CLIP1: variants seen among roughly 807,000 people sequenced by gnomAD.
CLIP1 encodes CAP-Gly domain containing linker protein 1.
Under a neutral mutation model 161.6 loss-of-function variants are expected in CLIP1, and 66 were observed. The ratio of observed to expected loss-of-function variants is 0.41; its 90% CI spans 0.33 to 0.50. The LOEUF (loss-of-function observed/expected upper bound fraction) is 0.50, where lower values mean the gene tolerates loss of function less well. Ranked by LOEUF, CLIP1 falls within the 20% of genes least tolerant of loss-of-function variation. CLIP1 has a pLI of 0.27. For synonymous variants in CLIP1, 598 were observed against 626.2 expected (o/e 0.96, Z 0.67); for missense variants, 1,376 against 1,702.0 (o/e 0.81, Z 3.37).
intron 1 of CLIP1, among the ~76,000 whole-genome samples, chr12:122,411,365 G>A (rs1181378161): frequency 2.6e-5 from 4 of 152,188 alleles, no homozygotes; most frequent in Non-Finnish European, 4.4e-5. Flanking sequence ...GCAATGAGCC[G>A]AGATCACGCC....
chr12:122,357,179 A>G (rs1464732338), intron 5 of CLIP1, among the ~76,000 whole-genome samples: 3 of 147,250 alleles, frequency 2.0e-5, no homozygotes, highest in Non-Finnish European at 3.0e-5. Context: ...CCGCCGTCCC[A>G]TCTAGGAAGT....
At chr12:122,324,021 T>C (rs1267034971) in intron 17 of CLIP1, 1 of 152,676 alleles carries the variant, frequency 6.5e-6, no homozygotes, top group Non-Finnish European at 1.5e-5. Context: ...TCCACATTTA[T>C]CTTCAAGAGT....
chr12:122,284,234 T>C (rs967580518), intron 21 of CLIP1, among the ~76,000 whole-genome samples: 4 of 152,188 alleles, frequency 2.6e-5, no homozygotes, highest in Non-Finnish European at 2.9e-5. Flanking sequence ...CATCTTTATC[T>C]ATAATTTCTG....
rs1200171274 is a variant in CLIP1, at chr12:122,378,362, C to T, written c.86-402G>A. Among the ~76,000 whole-genome samples the T allele has an allele frequency of 2.6e-5, 4 of 152,312 alleles. No individual in the cohort carries two copies. The East Asian group carries it at 7.7e-4, about 29-fold the overall frequency. On this transcript the variant is annotated intron_variant, in intron 2 of 25. Transcript: ENST00000620786. ...TCAGCCTCCCAAAGTGTTAGGATTA[C>T]AGGCATGAGCCACTGTGCCTCACCA...
intron 24 of CLIP1, chr12:122,276,365 A>G: frequency 7.2e-6 from 7 of 976,138 alleles, no homozygotes; most frequent in Non-Finnish European, 9.2e-6. Flanking sequence ...CAAAATGGAC[A>G]TAAGTATAGT....
At chr12:122,338,979 C>T (rs1376296368) in intron 11 of CLIP1, among the ~76,000 whole-genome samples, 3 of 152,168 alleles carry the variant, frequency 2.0e-5, no homozygotes, top group Non-Finnish European at 4.4e-5. Flanking sequence ...TTAACCATCA[C>T]AACCCTTCCT....
chr12:122,341,754 TTTC>T (rs1451237924), intron 10 of CLIP1, 57 bp from the exon 11 acceptor site: 6 of 446,548 alleles, frequency 1.3e-5, no homozygotes, highest in Admixed American at 4.8e-5. Context: ...CATTGACTAT[TTTC>T]TTTTCTTTTT....
At chr12:122,289,916 C>G (rs1038961476) in intron 20 of CLIP1, among the ~76,000 whole-genome samples, 7 of 151,618 alleles carry the variant, frequency 4.6e-5, no homozygotes, top group African/African-American at 1.7e-4. Context: ...TCAAGTGATT[C>G]TCCTGCTTCA....
At chr12:122,313,093 G>A (rs1951121197) in intron 19 of CLIP1, among the ~76,000 whole-genome samples, 1 of 152,160 alleles carries the variant, frequency 6.6e-6, no homozygotes, top group Non-Finnish European at 1.5e-5. Context: ...TACCTCCTGT[G>A]CCAGCTTCCA....
intron 21 of CLIP1, among the ~76,000 whole-genome samples, chr12:122,287,000 A>AAAAC (rs1224325188): frequency 5.0e-4 from 76 of 151,964 alleles, no homozygotes; most frequent in Non-Finnish European, 2.1e-4. Flanking sequence ...TCTGCCTCAA[A>AAAAC]AAACAAACAA....
rs1167974533 is a variant in CLIP1, at chr12:122,355,733, C to A, written c.1006-421G>T. 5.7e-6 allele frequency: 1 copy of A among 175,790 alleles called. No individual in the cohort carries two copies. Among genetic ancestry groups the A allele is most frequent in the African/African-American group, 2.4e-5 (1 of 41,792 alleles). The allele number at this position is 175,790 out of a possible 1,614,324, so 10.9% of individuals were successfully genotyped here. A position where few individuals can be genotyped will look rare whatever the true frequency, so the allele number is the denominator to read the frequency against. On this transcript the variant is annotated intron_variant, in intron 5 of 25. Transcript: ENST00000620786. The surrounding 1 kb of genome is among the most constrained non-coding windows in gnomAD (Gnocchi z 4.1). ...GATTCAAGTGATTCTCCTGCTTCAG[C>A]CTCCCAAGTAGCTGGGATCACAGGC...
At chr12:122,347,209 C>T (rs1952792385) in intron 10 of CLIP1, among the ~76,000 whole-genome samples, 166 bp downstream of exon 10, 1 of 152,188 alleles carries the variant, frequency 6.6e-6, no homozygotes, top group South Asian at 2.1e-4. Flanking sequence ...ATATAAAACA[C>T]CTGTTCCTAC....
At chr12:122,331,756 C>T (rs374088926) in intron 15 of CLIP1, among the ~76,000 whole-genome samples, 2 of 151,078 alleles carry the variant, frequency 1.3e-5, no homozygotes, top group African/African-American at 2.4e-5. Context: ...GCACTTTGGG[C>T]GGCCAAGGCG....
chr12:122,366,483 AAAT>A (rs1215054188), intron 3 of CLIP1, among the ~76,000 whole-genome samples: 1 of 152,026 alleles, frequency 6.6e-6, no homozygotes, highest in Non-Finnish European at 1.5e-5. Flanking sequence ...CTGTTTCAAA[AAAT>A]AATAATTGAC....
At chr12:122,325,524 C>T (rs144618143) in intron 17 of CLIP1, among the ~76,000 whole-genome samples, 127 of 152,208 alleles carry the variant, frequency 8.3e-4, no homozygotes, top group African/African-American at 3.0e-3. Context: ...CTCTGTGGCC[C>T]AGGCTGGAGG....
intron 15 of CLIP1, among the ~76,000 whole-genome samples, chr12:122,332,625 T>G (rs911625230): frequency 2.6e-5 from 4 of 152,128 alleles, no homozygotes; most frequent in African/African-American, 9.7e-5. Flanking sequence ...TTCGCCATGT[T>G]GGCCAGGTTG....
At chr12:122,317,085 G>C (rs1024498331) in intron 18 of CLIP1, among the ~76,000 whole-genome samples, 1 of 151,918 alleles carries the variant, frequency 6.6e-6, no homozygotes, top group African/African-American at 2.4e-5. Context: ...TGGCCAAAAG[G>C]TCAAACTAGA....
chr12:122,324,825 G>T (rs2136691534), intron 17 of CLIP1, among the ~76,000 whole-genome samples: 1 of 152,244 alleles, frequency 6.6e-6, no homozygotes, highest in Non-Finnish European at 1.5e-5. Flanking sequence ...GGCATAACAA[G>T]GGAAAATAAA....
intron 1 of CLIP1, among the ~76,000 whole-genome samples, chr12:122,419,004 CT>C (rs1316691709): frequency 1.3e-5 from 2 of 152,200 alleles, no homozygotes; most frequent in Non-Finnish European, 2.9e-5. Context: ...CTTTACTATA[CT>C]ACCTTCTGTT....
Sources: gnomAD v4.1 joint callset for allele counts (sites outside exome capture counted in the v4.1 genomes callset) on GRCh38, gnomAD v4.1.1 for gene constraint, Gnocchi (gnomAD v3.1) non-coding constraint, MANE v1.5 for transcripts, NCBI Gene and HGNC (gene_info 2026-07-23, HGNC 2026-07-21) for gene names.